Variants in NRXN3 observed in about 807,000 individuals in gnomAD.
NRXN3 encodes neurexin III.
NRXN3 carries 32 observed loss-of-function variants against 137.6 expected under a neutral mutation model. The ratio of observed to expected loss-of-function variants is 0.23; its 90% CI spans 0.18 to 0.31. NRXN3 has a LOEUF of 0.31. Among genes scored for constraint, NRXN3 ranks in the 10% least tolerant of loss-of-function variants. The pLI is 1.00. For missense variants in NRXN3, 1,574 were observed against 2,062.5 expected (o/e 0.76, Z 4.59); for synonymous variants, 798 against 784.5 (o/e 1.02, Z -0.29).
At chr14:79,849,611 G>T (rs905446538) in intron 20 of NRXN3, among the ~76,000 whole-genome samples, 1 of 152,166 alleles carries the variant, frequency 6.6e-6, no homozygotes, top group Admixed American at 6.5e-5. Flanking sequence ...GACAACATGT[G>T]TCGATGAGAG....
intron 15 of NRXN3, among the ~76,000 whole-genome samples, chr14:79,075,848 T>G (rs2045883005): frequency 1.3e-5 from 2 of 152,206 alleles, no homozygotes; most frequent in Non-Finnish European, 1.5e-5. Flanking sequence ...TAGATGTCCT[T>G]CCCATACCTT....
intron 19 of NRXN3, among the ~76,000 whole-genome samples, chr14:79,702,622 G>A (rs1020667080): frequency 6.6e-6 from 1 of 151,958 alleles, no homozygotes; most frequent in African/African-American, 2.4e-5. Context: ...TTTGTGAGTA[G>A]CAAGGGGTCC....
intron 4 of NRXN3, among the ~76,000 whole-genome samples, chr14:78,443,978 A>G (rs1173214046): frequency 6.6e-6 from 1 of 151,986 alleles, no homozygotes; most frequent in African/African-American, 2.4e-5. Context: ...TTTTTCACCA[A>G]CCTAATAGTT....
intron 10 of NRXN3, among the ~76,000 whole-genome samples, chr14:78,931,279 G>T (rs562517749): frequency 6.6e-6 from 1 of 152,138 alleles, no homozygotes; most frequent in Non-Finnish European, 1.5e-5. Context: ...TGGGGAGCAG[G>T]TTGGTTGTTG....
intron 16 of NRXN3, among the ~76,000 whole-genome samples, chr14:79,590,400 C>A (rs1197971176): frequency 1.0e-5 from 1 of 98,064 alleles, no homozygotes; most frequent in Non-Finnish European, 1.9e-5. Flanking sequence ...GTCCATTAAA[C>A]CTTTCTTTCT....
chr14:78,227,877 T>C (rs1447267669), intron 1 of NRXN3, among the ~76,000 whole-genome samples: 1 of 152,166 alleles, frequency 6.6e-6, no homozygotes, highest in Non-Finnish European at 1.5e-5. Context: ...TCTCATCCTC[T>C]AGGAGGCGAG....
chr14:79,281,388 C>A (rs113468527), intron 15 of NRXN3, among the ~76,000 whole-genome samples: 28 of 152,254 alleles, frequency 1.8e-4, no homozygotes, highest in African/African-American at 6.5e-4. Flanking sequence ...ATCTATGGCT[C>A]TGAAAATGAT....
At chr14:79,573,747 G>A (rs373935165) in intron 16 of NRXN3, among the ~76,000 whole-genome samples, 1 of 152,020 alleles carries the variant, frequency 6.6e-6, no homozygotes, top group East Asian at 1.9e-4. Context: ...TTGTCTTGGA[G>A]GGCTGCCATG....
chr14:79,558,352 C>T (rs2097452813), intron 16 of NRXN3, among the ~76,000 whole-genome samples: 1 of 152,118 alleles, frequency 6.6e-6, no homozygotes. Flanking sequence ...GTGTCTATGG[C>T]ACCTATAGCC....
chr14:79,422,786 G>A lies in NRXN3; in HGVS notation c.3263-44435G>A, dbSNP rs147500571. Reference sequence around the variant, plus strand: ...ACAATCTCGGCTCACTGCAACCTCCGCCTCCCAGGTTCAAGCAATTCTCCT... The same window carrying A: ...ACAATCTCGGCTCACTGCAACCTCCACCTCCCAGGTTCAAGCAATTCTCCT... On this transcript the variant is annotated intron_variant, in intron 15 of 20. Transcript: ENST00000335750. 6.8e-3 allele frequency among the ~76,000 whole-genome samples: 968 copies of A among 142,804 alleles called. 9 individuals carry two copies. Among genetic ancestry groups the A allele is most frequent in the African/African-American group, 0.025 (940 of 38,276 alleles). 93.7% of individuals were successfully genotyped at this position (142,804 alleles called of 152,430 possible).
intron 10 of NRXN3, among the ~76,000 whole-genome samples, chr14:78,909,829 T>A (rs933793753): frequency 1.3e-5 from 2 of 152,100 alleles, no homozygotes; most frequent in Non-Finnish European, 2.9e-5. Context: ...CCCATGAAGT[T>A]CATGGAGTGC....
intron 4 of NRXN3, among the ~76,000 whole-genome samples, chr14:78,321,879 G>C (rs1201582221): frequency 2.0e-5 from 3 of 152,026 alleles, no homozygotes; most frequent in Admixed American, 2.0e-4. Flanking sequence ...CAGAGACCAT[G>C]TTCCTTGATA....
chr14:78,795,330 A>G (rs1258721462), intron 8 of NRXN3, among the ~76,000 whole-genome samples: 3 of 152,212 alleles, frequency 2.0e-5, no homozygotes, highest in Admixed American at 1.3e-4. Flanking sequence ...AATTTTACAG[A>G]AACCTTTTTC....
rs774042609 is a variant in NRXN3, at chr14:79,644,367, CT to C, written c.3445-19410del. Among the ~76,000 whole-genome samples the C allele has an allele frequency of 2.2e-5, 3 of 135,626 alleles. 1 individual carries two copies. Among genetic ancestry groups the C allele is most frequent in the Non-Finnish European group, 5.1e-5 (3 of 58,366 alleles). The allele number at this position is 135,626 out of a possible 152,430, so 89.0% of individuals were successfully genotyped here. On this transcript the variant is annotated intron_variant, in intron 16 of 20. Transcript: ENST00000335750. The stretch of plus-strand genomic sequence containing the variant: ...GAAAGCCAGATCTGTCCATGGAAAT[CT>C]CCTGAGAGAAGAAGGTTTGGGGATG...
intron 19 of NRXN3, among the ~76,000 whole-genome samples, chr14:79,704,071 C>T (rs1256048732): frequency 6.6e-6 from 1 of 152,200 alleles, no homozygotes; most frequent in Admixed American, 6.5e-5. Flanking sequence ...GCTCATCAAT[C>T]AGGAGAGATT....
intron 15 of NRXN3, among the ~76,000 whole-genome samples, chr14:79,402,556 T>G (rs1567026663): frequency 6.6e-6 from 1 of 152,218 alleles, no homozygotes; most frequent in African/African-American, 2.4e-5. Flanking sequence ...GTCTTAAATG[T>G]AAATGCAATT....
chr14:78,903,272 C>G (rs908344846), intron 10 of NRXN3, among the ~76,000 whole-genome samples: 4 of 151,156 alleles, frequency 2.6e-5, no homozygotes, highest in Admixed American at 6.6e-5. Flanking sequence ...CCTCAGTCTC[C>G]TGAGTAGTTG....
At chr14:79,541,605 A>G (rs2097273438) in intron 16 of NRXN3, among the ~76,000 whole-genome samples, 3 of 152,210 alleles carry the variant, frequency 2.0e-5, no homozygotes, top group South Asian at 2.1e-4. Context: ...ATGAGGTAGG[A>G]AAGAGGCAGG....
intron 1 of NRXN3, among the ~76,000 whole-genome samples, chr14:78,223,750 G>T (rs145331439): frequency 1.3e-5 from 2 of 152,230 alleles, no homozygotes; most frequent in African/African-American, 4.8e-5. Context: ...GTGGCCAGAG[G>T]TTGGGAGGGC....
Sources: allele counts gnomAD v4.1 joint callset (sites outside exome capture counted in the v4.1 genomes callset), GRCh38; gene constraint gnomAD v4.1.1; transcripts MANE v1.5; gene names NCBI Gene and HGNC (gene_info 2026-07-23, HGNC 2026-07-21).